The following COL5A2 variants were observed in gnomAD, a reference collection of about 807,000 sequenced individuals.
COL5A2 encodes collagen type V alpha 2 chain.
COL5A2 carries 23 observed loss-of-function variants against 208.2 expected under a neutral mutation model. The ratio of observed to expected loss-of-function variants is 0.11; its 90% CI spans 0.08 to 0.16. The LOEUF (loss-of-function observed/expected upper bound fraction) is 0.16. Among genes scored for constraint, COL5A2 ranks in the 10% least tolerant of loss-of-function variants. The probability of loss-of-function intolerance (pLI) is 1.00; values close to 1 mark genes in which losing one functional copy is unlikely to be tolerated. For synonymous variants in COL5A2, 625 were observed against 628.5 expected (o/e 0.99, Z 0.08); for missense variants, 1,590 against 1,956.4 (o/e 0.81, Z 3.53).
At chr2:189,413,695 A>G in the COL5A2 span, among the ~76,000 whole-genome samples, 1 of 151,944 alleles carries the variant, frequency 6.6e-6, no homozygotes, top group Non-Finnish European at 1.5e-5. Flanking sequence ...TCAGATGTCC[A>G]GGTAAAAGTA....
chr2:189,352,608 G>A, the COL5A2 span, among the ~76,000 whole-genome samples: 1 of 152,160 alleles, frequency 6.6e-6, no homozygotes, highest in Non-Finnish European at 1.5e-5. Flanking sequence ...TTTGAGAAGA[G>A]TCTGTTCATA....
intron 1 of COL5A2, among the ~76,000 whole-genome samples, chr2:189,207,089 A>AC (rs1258448802): frequency 6.6e-6 from 1 of 152,224 alleles, no homozygotes; most frequent in Non-Finnish European, 1.5e-5. Context: ...AGATTGGAAA[A>AC]TATTTTTTGA....
the COL5A2 span, among the ~76,000 whole-genome samples, chr2:189,425,426 T>A: frequency 6.6e-6 from 1 of 152,202 alleles, no homozygotes; most frequent in Non-Finnish European, 1.5e-5. Context: ...GCAACATAGC[T>A]GAGATATGGA....
intron 37 of COL5A2, 50 bp downstream of exon 37, chr2:189,053,845 G>A: frequency 7.0e-7 from 1 of 1,432,118 alleles, no homozygotes; most frequent in South Asian, 1.2e-5. Flanking sequence ...ATGATTAATT[G>A]TTTTATTGCT....
chr2:189,117,387 T>C lies in COL5A2; in HGVS notation c.98-6938A>G, dbSNP rs140838884. Among the ~76,000 whole-genome samples the C allele has an allele frequency of 1.6e-4, 25 of 152,288 alleles. 1 individual carries two copies. Among genetic ancestry groups the C allele is most frequent in the Admixed American group, 1.6e-3 (25 of 15,298 alleles). ...TTTTTATAGCCAACCTTAGTTCTAA[T>C]CTTAAATATTAATCCTCAGTGAATA... On this transcript the variant is annotated intron_variant, in intron 1 of 53. Transcript: ENST00000374866.
chr2:189,092,194 A>C, intron 7 of COL5A2, 116 bp downstream of exon 7: 1 of 750,224 alleles, frequency 1.3e-6, no homozygotes. Context: ...GACCTTATTT[A>C]ACTGCTCTTA....
chr2:189,071,431 C>T (rs1686271700), intron 18 of COL5A2, among the ~76,000 whole-genome samples: 2 of 152,068 alleles, frequency 1.3e-5, no homozygotes, highest in African/African-American at 4.8e-5. Context: ...TGAATTTATC[C>T]CAAAGTACTG....
chr2:189,402,130 A>G, the COL5A2 span, among the ~76,000 whole-genome samples: 1 of 152,092 alleles, frequency 6.6e-6, no homozygotes, highest in Non-Finnish European at 1.5e-5. Flanking sequence ...CTTTGTCATG[A>G]AATTTTTGCC....
At chr2:189,311,768 T>C in the COL5A2 span, 1 of 828,720 alleles carries the variant, frequency 1.2e-6, no homozygotes. Flanking sequence ...TCTCGGTTCT[T>C]CCAAGCCAGC....
At chr2:189,358,929 C>G in the COL5A2 span, among the ~76,000 whole-genome samples, 1 of 151,880 alleles carries the variant, frequency 6.6e-6, no homozygotes, top group Admixed American at 6.6e-5. Flanking sequence ...TTGTAACCTG[C>G]AATTTTGCTA....
the COL5A2 span, among the ~76,000 whole-genome samples, chr2:189,363,215 T>C: frequency 1.3e-5 from 2 of 152,140 alleles, no homozygotes; most frequent in Non-Finnish European, 2.9e-5. Flanking sequence ...CAATTAGTAA[T>C]GGTGAAATCC....
the COL5A2 span, among the ~76,000 whole-genome samples, chr2:189,347,923 C>T: frequency 6.6e-6 from 1 of 152,134 alleles, no homozygotes; most frequent in African/African-American, 2.4e-5. Flanking sequence ...CTAAGTAAGT[C>T]CCAATTAATC....
the COL5A2 span, among the ~76,000 whole-genome samples, chr2:189,282,838 A>G: frequency 3.3e-5 from 5 of 152,180 alleles, no homozygotes; most frequent in East Asian, 9.6e-4. Context: ...GCTAGGTTCA[A>G]TAGAGCTTTT....
chr2:189,189,270 G>C (rs922130979), intron 1 of COL5A2, among the ~76,000 whole-genome samples: 2 of 152,100 alleles, frequency 1.3e-5, no homozygotes, highest in African/African-American at 4.8e-5. Context: ...TATCAAATGG[G>C]AGACGGCCAG....
chr2:189,231,966 C>T, the COL5A2 span, among the ~76,000 whole-genome samples: 5 of 151,592 alleles, frequency 3.3e-5, no homozygotes, highest in South Asian at 2.1e-4. Flanking sequence ...ACATTCCACA[C>T]GACTAGAAAG....
the COL5A2 span, among the ~76,000 whole-genome samples, chr2:189,282,016 T>A: frequency 2.6e-5 from 4 of 152,080 alleles, no homozygotes; most frequent in African/African-American, 9.7e-5. Context: ...AAACCCCGTC[T>A]CTACCAAAAA....
intron 1 of COL5A2, among the ~76,000 whole-genome samples, chr2:189,153,643 C>CT (rs1463893411): frequency 6.6e-6 from 1 of 152,074 alleles, no homozygotes; most frequent in Non-Finnish European, 1.5e-5. Flanking sequence ...GGCAGATATG[C>CT]TTTTACTACA....
At chr2:189,279,157 G>T in the COL5A2 span, among the ~76,000 whole-genome samples, 3 of 151,838 alleles carry the variant, frequency 2.0e-5, no homozygotes, top group Non-Finnish European at 2.9e-5. Context: ...ACAGAAGAAA[G>T]ATGAGAAGGA....
the COL5A2 span, among the ~76,000 whole-genome samples, chr2:189,373,872 T>C: frequency 8.7e-4 from 133 of 152,284 alleles, no homozygotes; most frequent in Non-Finnish European, 1.6e-3. Context: ...ACATCTGCAA[T>C]CCAGGAAATG....
Sources: allele counts gnomAD v4.1 joint callset (sites outside exome capture counted in the v4.1 genomes callset), GRCh38; gene constraint gnomAD v4.1.1; transcripts MANE v1.5; gene names NCBI Gene and HGNC (gene_info 2026-07-23, HGNC 2026-07-21).